The following PAIP2B variants were observed in gnomAD, a reference collection of about 807,000 sequenced individuals.
PAIP2B encodes the protein poly(A) binding protein interacting protein 2B, also known as polyadenylate-binding protein-interacting protein 2B.
Under a neutral mutation model 17.0 loss-of-function variants are expected in PAIP2B, and 13 were observed. The observed-to-expected ratio is 0.76, with a 90% CI of 0.50 to 1.22. The LOEUF (loss-of-function observed/expected upper bound fraction) is 1.22. PAIP2B is among the 50% of genes most tolerant of loss of function. The pLI, the probability that PAIP2B is intolerant of heterozygous loss-of-function variation, is 0.00. For synonymous variants in PAIP2B, 43 were observed against 48.7 expected, an observed-to-expected ratio of 0.88 and a Z score of 0.48; for missense variants, 117 against 144.5, an observed-to-expected ratio of 0.81 and a Z score of 0.98.
At chr2:71,223,014 G>A (rs1425597509) in intron 1 of PAIP2B, among the ~76,000 whole-genome samples, 2 of 152,128 alleles carry the variant, frequency 1.3e-5, no homozygotes, top group African/African-American at 4.8e-5. Flanking sequence ...TTCCAACCTG[G>A]GCCTTTCCCC....
At chr2:71,219,733 C>A (rs557213487) in intron 1 of PAIP2B, among the ~76,000 whole-genome samples, 2 of 151,936 alleles carry the variant, frequency 1.3e-5, no homozygotes, top group African/African-American at 4.8e-5. Context: ...ATACATAGTT[C>A]AAAAATATTT....
At chr2:71,226,720 G>C (rs1675740067) in intron 1 of PAIP2B, among the ~76,000 whole-genome samples, 1 of 152,190 alleles carries the variant, frequency 6.6e-6, no homozygotes, top group African/African-American at 2.4e-5. Context: ...CCGAGGGGCA[G>C]GGGCTGACCC....
intron 1 of PAIP2B, among the ~76,000 whole-genome samples, chr2:71,203,449 A>G (rs991010507): frequency 6.6e-6 from 1 of 152,082 alleles, no homozygotes; most frequent in African/African-American, 2.4e-5. Context: ...CCACACTACT[A>G]TAAGAATTTA....
intron 2 of PAIP2B, among the ~76,000 whole-genome samples, chr2:71,192,279 T>A (rs1674705140): frequency 1.4e-5 from 2 of 146,240 alleles, no homozygotes; most frequent in African/African-American, 2.5e-5. Flanking sequence ...TTTTTTTTTT[T>A]ACAAATTGAA....
At chr2:71,189,544 T>C (rs369158779) in intron 3 of PAIP2B, among the ~76,000 whole-genome samples, 13 of 152,336 alleles carry the variant, frequency 8.5e-5, no homozygotes, top group South Asian at 4.1e-4. Flanking sequence ...AGTGTTCAAA[T>C]TGTTATCCTT....
intron 1 of PAIP2B, among the ~76,000 whole-genome samples, chr2:71,226,237 T>TCA (rs1675721235): frequency 6.6e-6 from 1 of 152,216 alleles, no homozygotes; most frequent in African/African-American, 2.4e-5. Context: ...CTGCGTATTC[T>TCA]GCCTCTCTCA....
Position 71,189,880 on chromosome 2 carries a change from A to AC in PAIP2B, c.279dup (p.Ser94ValfsTer4). 1 of 1,563,620 alleles carries AC rather than the reference A, an allele frequency of 6.4e-7. No homozygotes were observed. Reference sequence around the variant, plus strand: ...TCAGAATCATGACCTTCACTGACTGACAGTCCATTTAACTGCTGTTGCAAC... The same window carrying AC: ...TCAGAATCATGACCTTCACTGACTGACCAGTCCATTTAACTGCTGTTGCAAC... On this transcript the variant is annotated frameshift_variant, in exon 3 of 4. Transcript: ENST00000244221. LOFTEE classifies it high-confidence loss of function.
Position 71,188,479 on chromosome 2 carries a change from T to C in PAIP2B, c.372A>G (p.Ter124TrpextTer51). The C allele has an allele frequency of 6.2e-7, 1 of 1,608,900 alleles. No homozygotes were observed. The highest frequency in any genetic ancestry group is 8.5e-7 in the Non-Finnish European group (1 of 1,177,460). The stretch of plus-strand genomic sequence containing the variant: ...AAGTCTTCCTCAAAGCTTTCTCGGC[T>C]CAGTACTTCTCTCCTGGAATAAACT... ...AKEFIPGEKY[*>W] The change falls in exon 4 of 4, where the codon TGA (stop) becomes TGG (tryptophan). Residue 124 changes from the stop codon to tryptophan, a stop_lost. Transcript: ENST00000244221.
chr2:71,194,479 G>GTA (rs1387802698), intron 2 of PAIP2B, among the ~76,000 whole-genome samples: 1 of 151,686 alleles, frequency 6.6e-6, no homozygotes, highest in Non-Finnish European at 1.5e-5. Context: ...GTGTGTGTGT[G>GTA]TGTGTGTGTG....
chr2:71,215,858 T>C (rs1474337319), intron 1 of PAIP2B, among the ~76,000 whole-genome samples: 1 of 152,172 alleles, frequency 6.6e-6, no homozygotes, highest in African/African-American at 2.4e-5. Flanking sequence ...TGTGTATCTA[T>C]GTGTGTGTGT....
chr2:71,214,488 G>T (rs1347708058), intron 1 of PAIP2B, among the ~76,000 whole-genome samples: 1 of 152,128 alleles, frequency 6.6e-6, no homozygotes, highest in Non-Finnish European at 1.5e-5. Flanking sequence ...TTTGAAGCTT[G>T]CTAATACTTT....
chr2:71,221,938 C>T (rs1675592607), intron 1 of PAIP2B, among the ~76,000 whole-genome samples: 1 of 152,178 alleles, frequency 6.6e-6, no homozygotes, highest in African/African-American at 2.4e-5. Context: ...AAAAAGGGCA[C>T]TCTTGATAGC....
At chr2:71,191,782 C>A (rs569538546) in intron 2 of PAIP2B, among the ~76,000 whole-genome samples, 5 of 152,308 alleles carry the variant, frequency 3.3e-5, no homozygotes, top group Admixed American at 6.5e-5. Context: ...CTGATATATG[C>A]CCTGGGGGTG....
At chr2:71,221,988 A>G (rs1675594565) in intron 1 of PAIP2B, among the ~76,000 whole-genome samples, 1 of 152,168 alleles carries the variant, frequency 6.6e-6, no homozygotes, top group Non-Finnish European at 1.5e-5. Flanking sequence ...AAGGGAATAA[A>G]AGCTGGCCAC....
intron 1 of PAIP2B, among the ~76,000 whole-genome samples, chr2:71,203,313 C>T (rs1230895601): frequency 6.6e-6 from 1 of 150,516 alleles, no homozygotes; most frequent in African/African-American, 2.4e-5. Context: ...GGGGTGTTTC[C>T]AATGTTTCTG....
At chr2:71,199,474 A>G (rs904790843) in intron 2 of PAIP2B, among the ~76,000 whole-genome samples, 1 of 151,816 alleles carries the variant, frequency 6.6e-6, no homozygotes, top group Non-Finnish European at 1.5e-5. Context: ...AGCATTTTCC[A>G]TCTTTTTCTG....
Position 71,191,139 on chromosome 2 carries a change from T to C in PAIP2B, c.139-1118A>G, listed in dbSNP as rs189338522. 4.8e-4 allele frequency among the ~76,000 whole-genome samples: 73 copies of C among 152,302 alleles called. 1 individual carries two copies. Among genetic ancestry groups the C allele is most frequent in the African/African-American group, 1.5e-3 (62 of 41,576 alleles). On this transcript the variant is annotated intron_variant, in intron 2 of 3. Coordinates refer to ENST00000244221, the MANE Select transcript of PAIP2B (RefSeq NM_020459.1). ...TGGCATCCCTTTCCTGCAGGCTGCC[T>C]GGTGACAGATTCACAGCTCACTAGC...
chr2:71,194,287 G>C (rs986330498), intron 2 of PAIP2B, among the ~76,000 whole-genome samples: 2 of 152,126 alleles, frequency 1.3e-5, no homozygotes, highest in Admixed American at 6.6e-5. Context: ...GAATAGCATT[G>C]AATCTGTAAA....
chr2:71,197,752 C>T (rs748437045), intron 2 of PAIP2B, among the ~76,000 whole-genome samples: 12 of 152,230 alleles, frequency 7.9e-5, no homozygotes, highest in Non-Finnish European at 1.6e-4. Flanking sequence ...TCACATCTTA[C>T]ATGGATGGCG....
Sources: gnomAD v4.1 joint callset for allele counts (sites outside exome capture counted in the v4.1 genomes callset) on GRCh38, gnomAD v4.1.1 for gene constraint, MANE v1.5 for transcripts, NCBI Gene and HGNC (gene_info 2026-07-23, HGNC 2026-07-21) for gene names.